The following PTPRG variants were observed in gnomAD, a reference collection of about 807,000 sequenced individuals.
PTPRG encodes protein tyrosine phosphatase receptor type G, also known as receptor-type tyrosine-protein phosphatase gamma.
Under a neutral mutation model 165.3 loss-of-function variants are expected in PTPRG, and 102 were observed. The observed-to-expected ratio is 0.62, with a 90% confidence interval of 0.53 to 0.73. PTPRG has a LOEUF of 0.73. Ranked by LOEUF, PTPRG falls within the 30% of genes least tolerant of loss-of-function variation. The pLI, the probability that PTPRG is intolerant of heterozygous loss-of-function variation, is 0.00. For synonymous variants in PTPRG, 675 were observed against 669.5 expected (o/e 1.01, Z -0.13); for missense variants, 1,866 against 1,861.4 (o/e 1.00, Z -0.05).
intron 2 of PTPRG, among the ~76,000 whole-genome samples, chr3:61,916,203 G>A (rs911744630): frequency 2.6e-5 from 4 of 152,082 alleles, no homozygotes; most frequent in African/African-American, 9.7e-5. Context: ...TTGGCTGCAT[G>A]TTTTTCTTTG....
chr3:61,895,310 C>A (rs1180199523), intron 2 of PTPRG, among the ~76,000 whole-genome samples: 1 of 152,176 alleles, frequency 6.6e-6, no homozygotes, highest in Non-Finnish European at 1.5e-5. Flanking sequence ...GAAGTAGCCA[C>A]AAAGAGCTGA....
At chr3:62,189,832 C>G (rs1699761949) in intron 8 of PTPRG, among the ~76,000 whole-genome samples, 1 of 152,178 alleles carries the variant, frequency 6.6e-6, no homozygotes, top group East Asian at 1.9e-4. Context: ...GGAGAAAGGC[C>G]AGAGTTCAAA....
At chr3:61,671,931 C>T (rs1703010869) in intron 1 of PTPRG, among the ~76,000 whole-genome samples, 3 of 140,746 alleles carry the variant, frequency 2.1e-5, no homozygotes, top group Admixed American at 2.1e-4. Flanking sequence ...GACGAGGTGG[C>T]TGCTGGGCGG....
In PTPRG at chr3:62,005,486, G is replaced by A. The variant is rs187453391; in HGVS notation, c.519+1989G>A. Among the ~76,000 whole-genome samples the A allele has an allele frequency of 4.6e-5, 7 of 152,078 alleles. No homozygotes were observed. The East Asian group carries it at 1.2e-3, about 25-fold the overall frequency. Reference sequence around the variant, plus strand: ...CTCTTTGTCTTAGAATTGGGTTTCCGTTTGTTCATTTAATGTCGTTTTGGA... The same window carrying A: ...CTCTTTGTCTTAGAATTGGGTTTCCATTTGTTCATTTAATGTCGTTTTGGA... On this transcript the variant is annotated intron_variant, in intron 4 of 29. Coordinates refer to ENST00000474889, the MANE Select transcript of PTPRG (RefSeq NM_002841.4).
At chr3:61,671,153 TTTTTA>T (rs1331605900) in intron 1 of PTPRG, among the ~76,000 whole-genome samples, 4 of 150,990 alleles carry the variant, frequency 2.6e-5, no homozygotes, top group African/African-American at 9.7e-5. Flanking sequence ...TTTTTTTTTT[TTTTTA>T]ATTGATCATT....
intron 2 of PTPRG, among the ~76,000 whole-genome samples, chr3:61,817,156 A>T (rs1381723253): frequency 8.5e-6 from 1 of 117,574 alleles, no homozygotes; most frequent in South Asian, 2.4e-4. Context: ...CATATATATA[A>T]TATATAATAT....
chr3:61,696,914 T>C (rs186673819), intron 1 of PTPRG, among the ~76,000 whole-genome samples: 1 of 152,346 alleles, frequency 6.6e-6, no homozygotes, highest in East Asian at 1.9e-4. Flanking sequence ...TTTTAAACTT[T>C]CTGAGCTTTA....
Position 62,255,289 on chromosome 3 carries a change from T to G in PTPRG, c.2559+74T>G. ...TATGCAGATTTTTGTAAACTTGAAC[T>G]GAATTCATTCCAAGCATAACAAAAC... is the stretch of plus-strand genomic sequence containing the variant. On this transcript the variant is annotated intron_variant, in intron 16 of 29. Coordinates refer to ENST00000474889, the MANE Select transcript of PTPRG (RefSeq NM_002841.4). This position sits in a 1 kb window ranked among gnomAD's most constrained non-coding sequence, Gnocchi z 4.0. 1 of 1,167,666 alleles carries G rather than the reference T, an allele frequency of 8.6e-7. No homozygotes were observed. The highest frequency in any genetic ancestry group is 2.4e-5 in the East Asian group (1 of 41,410). 72.3% of individuals were successfully genotyped at this position (1,167,666 alleles called of 1,614,324 possible).
intron 1 of PTPRG, among the ~76,000 whole-genome samples, chr3:61,624,710 C>G (rs994700294): frequency 6.6e-6 from 1 of 152,210 alleles, no homozygotes; most frequent in Non-Finnish European, 1.5e-5. Flanking sequence ...CATAATAGTA[C>G]TCACCTTCTA....
At chr3:61,680,553 G>A (rs1703400654) in intron 1 of PTPRG, among the ~76,000 whole-genome samples, 1 of 144,176 alleles carries the variant, frequency 6.9e-6, no homozygotes, top group Non-Finnish European at 1.5e-5. Context: ...GGCAAAATAT[G>A]TGGGTGACCC....
chr3:61,995,121 C>T (rs2040996197), intron 3 of PTPRG, among the ~76,000 whole-genome samples: 1 of 117,862 alleles, frequency 8.5e-6, no homozygotes. Flanking sequence ...CAGAGTCTTG[C>T]TATGTTGCCC....
chr3:62,094,552 T>C (rs895779706), intron 5 of PTPRG, among the ~76,000 whole-genome samples: 2 of 152,138 alleles, frequency 1.3e-5, no homozygotes, highest in Non-Finnish European at 2.9e-5. Context: ...TCATACAAAT[T>C]GGTTGTTGAC....
At chr3:61,988,711 C>T (rs1475259518) in intron 2 of PTPRG, among the ~76,000 whole-genome samples, 1 of 152,100 alleles carries the variant, frequency 6.6e-6, no homozygotes, top group East Asian at 1.9e-4. Flanking sequence ...CTTAATCTTT[C>T]CAGTAAAAGT....
At chr3:62,065,509 A>T (rs927254422) in intron 4 of PTPRG, among the ~76,000 whole-genome samples, 1 of 152,248 alleles carries the variant, frequency 6.6e-6, no homozygotes, top group Non-Finnish European at 1.5e-5. Context: ...AGCCAGATTC[A>T]TAGTTCCATA....
At chr3:61,609,005 G>A (rs779810750) in intron 1 of PTPRG, among the ~76,000 whole-genome samples, 2 of 152,170 alleles carry the variant, frequency 1.3e-5, no homozygotes, top group East Asian at 3.9e-4. Flanking sequence ...GTTTGCCCTC[G>A]ATGTGTGAGG....
intron 4 of PTPRG, among the ~76,000 whole-genome samples, chr3:62,036,860 C>G (rs113390320): frequency 2.6e-5 from 4 of 152,304 alleles, no homozygotes; most frequent in Middle Eastern, 3.4e-3. Flanking sequence ...CCAGGGCACA[C>G]TCCATTCCTC....
Position 61,562,209 on chromosome 3 carries a change from C to T in PTPRG, c.-79C>T, listed in dbSNP as rs772178335. On this transcript the variant is annotated 5_prime_UTR_variant, in exon 1 of 30. Transcript: ENST00000474889. ...GAGCCGGGGAAGCGCCCCGGCTTAG[C>T]GGAGGCTCGCACGGAGGCAAGAACT... is the stretch of plus-strand genomic sequence containing the variant. The T allele has an allele frequency of 1.5e-6, 2 of 1,354,908 alleles. No individual in the cohort carries two copies. Among genetic ancestry groups the T allele is most frequent in the Non-Finnish European group, 2.1e-6 (2 of 950,344 alleles). 83.9% of individuals were successfully genotyped at this position (1,354,908 alleles called of 1,614,324 possible).
In PTPRG at chr3:61,782,787, G is replaced by GTGTTT. The variant is rs527472740; in HGVS notation, c.190+33827_190+33831dup. Among the ~76,000 whole-genome samples the GTGTTT allele has an allele frequency of 7.1e-3, 1,075 of 152,126 alleles. 15 individuals are homozygous for GTGTTT. Among genetic ancestry groups the GTGTTT allele is most frequent in the South Asian group, 0.036 (172 of 4,818 alleles). ...AATTGCTTGAGTCTGGATGAGTATC[G>GTGTTT]TGTTTTGTTTTGTTTTGTTTTGTTT... is the stretch of plus-strand genomic sequence containing the variant. On this transcript the variant is annotated intron_variant, in intron 2 of 29. Coordinates refer to ENST00000474889, the MANE Select transcript of PTPRG (RefSeq NM_002841.4).
chr3:62,248,706 A>C (rs1329985260), intron 15 of PTPRG, among the ~76,000 whole-genome samples: 5 of 152,240 alleles, frequency 3.3e-5, no homozygotes, highest in Non-Finnish European at 5.9e-5. Flanking sequence ...GCATATTGAA[A>C]GAGCTTTCCT....
Sources: allele counts gnomAD v4.1 joint callset (sites outside exome capture counted in the v4.1 genomes callset), GRCh38; gene constraint gnomAD v4.1.1; non-coding constraint Gnocchi (gnomAD v3.1); transcripts MANE v1.5; gene names NCBI Gene and HGNC (gene_info 2026-07-23, HGNC 2026-07-21).